Variants in LSAMP observed in about 807,000 individuals in gnomAD.
LSAMP encodes limbic system associated membrane protein.
In LSAMP, 7 loss-of-function variants were observed where a neutral mutation model predicts 38.6. The ratio of observed to expected loss-of-function variants is 0.18; its 90% CI spans 0.10 to 0.34. The LOEUF (loss-of-function observed/expected upper bound fraction) is 0.34. Ranked by LOEUF, LSAMP falls within the 10% of genes least tolerant of loss-of-function variation. LSAMP has a pLI of 1.00. For missense variants in LSAMP, 313 were observed against 420.0 expected (o/e 0.75, Z 2.23); for synonymous variants, 154 against 166.8 (o/e 0.92, Z 0.59).
intron 1 of LSAMP, among the ~76,000 whole-genome samples, chr3:116,123,427 GT>G (rs1396644019): frequency 6.6e-6 from 1 of 152,186 alleles, no homozygotes; most frequent in East Asian, 1.9e-4. Context: ...AAAAGTCTAG[GT>G]TTTTCAATTT....
At chr3:115,897,402 TTTAG>T (rs980639878) in intron 3 of LSAMP, among the ~76,000 whole-genome samples, 1 of 152,194 alleles carries the variant, frequency 6.6e-6, no homozygotes, top group Admixed American at 6.6e-5. Context: ...CCCTCAGTTA[TTTAG>T]TTATTTACCT....
rs1210104929 is a variant in LSAMP, at chr3:115,841,915, C to T, written c.849G>A (p.Glu283=). The T allele has an allele frequency of 1.2e-6, 2 of 1,613,934 alleles. No homozygotes were observed. Among genetic ancestry groups the T allele is most frequent in the Non-Finnish European group, 8.5e-7 (1 of 1,180,032 alleles). The stretch of plus-strand genomic sequence containing the variant: ...CCACACAGGTGTAGTTGCCGTAGTG[C>T]TCCTCAGTGACGTTGGTCACCGTCA... ...SSLTVTNVTE[E]HYGNYTCVAA... is the part of the protein sequence containing the mutation. Residue 283 remains glutamate, a synonymous_variant, in exon 6 of 7, where the codon GAG becomes GAA. Coordinates refer to ENST00000490035, the MANE Select transcript of LSAMP (RefSeq NM_002338.5).
intron 3 of LSAMP, among the ~76,000 whole-genome samples, chr3:115,897,900 T>C (rs1936768998): frequency 6.6e-6 from 1 of 152,082 alleles, no homozygotes; most frequent in Non-Finnish European, 1.5e-5. Context: ...AGAGGAACAA[T>C]GTCAAGAAGC....
intron 1 of LSAMP, among the ~76,000 whole-genome samples, chr3:116,234,102 C>T (rs888005091): frequency 6.6e-5 from 10 of 152,176 alleles, no homozygotes; most frequent in East Asian, 1.9e-4. Flanking sequence ...TCAAGGATCA[C>T]GGAGTGGGCT....
chr3:116,176,415 T>C (rs1057342096), intron 1 of LSAMP, among the ~76,000 whole-genome samples: 5 of 152,144 alleles, frequency 3.3e-5, no homozygotes, highest in African/African-American at 1.2e-4. Flanking sequence ...TTATTGCAAA[T>C]GGAAGAGCAA....
intron 1 of LSAMP, among the ~76,000 whole-genome samples, chr3:116,284,065 TTG>T (rs2107684969): frequency 6.6e-6 from 1 of 152,260 alleles, no homozygotes; most frequent in South Asian, 2.1e-4. Context: ...TGATATAAGT[TTG>T]TGATTGTTTT....
At chr3:116,366,084 A>T (rs1322699033) in intron 1 of LSAMP, among the ~76,000 whole-genome samples, 2 of 151,092 alleles carry the variant, frequency 1.3e-5, no homozygotes, top group East Asian at 1.9e-4. Context: ...ATGAACAAAT[A>T]ACCTACAGAA....
intron 3 of LSAMP, among the ~76,000 whole-genome samples, chr3:116,008,766 G>T (rs1490316576): frequency 6.6e-6 from 1 of 151,898 alleles, no homozygotes; most frequent in African/African-American, 2.4e-5. Flanking sequence ...TTACCAGATT[G>T]GTAGGAACGT....
At chr3:115,881,983 A>G (rs1936334827) in intron 3 of LSAMP, among the ~76,000 whole-genome samples, 1 of 152,036 alleles carries the variant, frequency 6.6e-6, no homozygotes, top group Admixed American at 6.6e-5. Context: ...GCTGGTTACA[A>G]TTTCCCTGCT....
At chr3:115,999,630 G>A (rs1479704119) in intron 3 of LSAMP, among the ~76,000 whole-genome samples, 4 of 152,284 alleles carry the variant, frequency 2.6e-5, no homozygotes, top group Admixed American at 2.6e-4. Flanking sequence ...TGTGAAGGAA[G>A]CCCTGTTTCC....
rs560918093 is a variant in LSAMP at position 116,243,043 on chromosome 3, T to C, written c.156-156487A>G. Among the ~76,000 whole-genome samples the C allele has an allele frequency of 3.4e-3, 521 of 152,268 alleles. 4 individuals are homozygous for C. The highest frequency in any genetic ancestry group is 0.012 in the African/African-American group (498 of 41,564). Reference sequence around the variant, plus strand: ...AGAGAATGAGAAGTCAACCAGGGGATGACAAGGCAACAAAGTGATTAGTCA... The same window carrying C: ...AGAGAATGAGAAGTCAACCAGGGGACGACAAGGCAACAAAGTGATTAGTCA... On this transcript the variant is annotated intron_variant, in intron 1 of 6. Coordinates refer to ENST00000490035, the MANE Select transcript of LSAMP (RefSeq NM_002338.5).
intron 1 of LSAMP, among the ~76,000 whole-genome samples, chr3:116,438,361 T>C (rs186734029): frequency 1.3e-5 from 2 of 152,296 alleles, no homozygotes; most frequent in African/African-American, 4.8e-5. Flanking sequence ...TAAAAATAGC[T>C]TGTGTAGTAG....
rs1204548515 is a variant in LSAMP at position 116,075,544 on chromosome 3, CG to C, written c.388+10779del. 2.0e-3 allele frequency among the ~76,000 whole-genome samples: 289 copies of C among 141,216 alleles called. 2 individuals are homozygous for C. The highest frequency in any genetic ancestry group is 3.2e-3 in the Non-Finnish European group (205 of 64,090). 92.6% of individuals were successfully genotyped at this position (141,216 alleles called of 152,430 possible). A position where few individuals can be genotyped will look rare whatever the true frequency, so the allele number is the denominator to read the frequency against. ...TTATTTTGTTTTTAAATCACTTTAT[CG>C]TTTTTTTTTTTTTTTAGATGGAGTC... On this transcript the variant is annotated intron_variant, in intron 2 of 6. Transcript: ENST00000490035.
At chr3:115,877,303 T>C (rs1049691876) in intron 3 of LSAMP, among the ~76,000 whole-genome samples, 4 of 152,000 alleles carry the variant, frequency 2.6e-5, no homozygotes, top group African/African-American at 9.7e-5. Context: ...CCCTCATGCC[T>C]CTGCCTTCAT....
At chr3:115,909,578 G>T (rs1467569941) in intron 3 of LSAMP, among the ~76,000 whole-genome samples, 10 of 152,104 alleles carry the variant, frequency 6.6e-5, no homozygotes, top group African/African-American at 1.9e-4. Flanking sequence ...GCTAGATATT[G>T]GTTTAATCTG....
chr3:115,819,302 G>C (rs969439419), intron 6 of LSAMP, among the ~76,000 whole-genome samples: 1 of 152,000 alleles, frequency 6.6e-6, no homozygotes, highest in Admixed American at 6.6e-5. Flanking sequence ...GGGTGTGGTG[G>C]TACGTGTCTG....
At chr3:116,097,514 A>AT (rs1708250354) in intron 1 of LSAMP, among the ~76,000 whole-genome samples, 5 of 152,248 alleles carry the variant, frequency 3.3e-5, no homozygotes, top group African/African-American at 7.2e-5. Context: ...AATTCAGATC[A>AT]AATTATGCCA....
At chr3:116,218,740 G>A (rs2046249568) in intron 1 of LSAMP, among the ~76,000 whole-genome samples, 1 of 152,166 alleles carries the variant, frequency 6.6e-6, no homozygotes, top group Non-Finnish European at 1.5e-5. Flanking sequence ...CTGGGCTGAA[G>A]TGAACCTCCT....
At chr3:116,226,998 T>C (rs2046350069) in intron 1 of LSAMP, among the ~76,000 whole-genome samples, 1 of 152,196 alleles carries the variant, frequency 6.6e-6, no homozygotes, top group Non-Finnish European at 1.5e-5. Context: ...GTCCCTGACA[T>C]CCAAGGAATT....
Sources: allele counts gnomAD v4.1 joint callset (sites outside exome capture counted in the v4.1 genomes callset), GRCh38; gene constraint gnomAD v4.1.1; transcripts MANE v1.5; gene names NCBI Gene and HGNC (gene_info 2026-07-23, HGNC 2026-07-21).